Variants in ZNF286A observed in about 807,000 individuals in gnomAD.
The protein encoded by ZNF286A is zinc finger protein 286A, also known as zinc finger protein ZNF286.
Under a neutral mutation model 49.3 loss-of-function variants are expected in ZNF286A, and 34 were observed. The observed-to-expected ratio is 0.69, with a 90% CI of 0.52 to 0.92. The LOEUF is 0.92. Ranked by LOEUF, ZNF286A falls within the 40% of genes least tolerant of loss-of-function variation. ZNF286A has a pLI of 0.00. For missense variants in ZNF286A, 462 were observed against 600.2 expected (o/e 0.77, Z 2.41); for synonymous variants, 155 against 200.4 (o/e 0.77, Z 1.91).
chr17:15,716,331 G>A lies in ZNF286A; in HGVS notation c.607G>A (p.Val203Ile). The A allele has an allele frequency of 6.2e-7, 1 of 1,613,876 alleles. No individual in the cohort carries two copies. Among genetic ancestry groups the A allele is most frequent in the Non-Finnish European group, 8.5e-7 (1 of 1,179,834 alleles). ...VYWKSFNQKS[V>I]LITEDRVPKG... is the part of the protein sequence containing the mutation. ...CTGGAAAAGCTTCAATCAGAAATCT[G>A]TCCTTATCACTGAAGACAGAGTTCC... Residue 203 changes from valine (V) to isoleucine (I), a missense_variant, in exon 6 of 6, where the codon GTC becomes ATC. By Grantham distance (29) the Val-to-Ile change is conservative. Around this residue, in one of 3 missense-constraint regions of ZNF286A, gnomAD observed 259 missense variants for 272.2 expected, o/e 0.95. Transcript: ENST00000583566.
In ZNF286A at chr17:15,716,631, T is replaced by G; in HGVS notation, c.907T>G (p.Cys303Gly). The G allele has an allele frequency of 6.2e-7, 1 of 1,614,126 alleles. No homozygotes were observed. Among genetic ancestry groups the G allele is most frequent in the Non-Finnish European group, 8.5e-7 (1 of 1,180,004 alleles). ...TAGAATTCTCTTTGAATGCAGTGAA[T>G]GCAAGAAAACCTTCACAGAAAGCTC... is the stretch of plus-strand genomic sequence containing the variant. ...HTRILFECSE[C>G]KKTFTESSSL... Residue 303 changes from cysteine (C) to glycine (G), a missense_variant, in exon 6 of 6, where the codon TGC (cysteine) becomes GGC (glycine). Cys to Gly is a radical substitution (Grantham distance 159). This residue lies in a region of ZNF286A where 201 missense variants were observed against 311.3 expected (regional missense o/e 0.65). Transcript: ENST00000583566.
intron 5 of ZNF286A, among the ~76,000 whole-genome samples, chr17:15,711,782 C>G (rs1567709593): frequency 6.7e-6 from 1 of 148,564 alleles, no homozygotes; most frequent in Non-Finnish European, 1.5e-5. Flanking sequence ...AATCCCTGCT[C>G]TAAATGGTGG....
rs1281114285 is a variant in ZNF286A at position 15,718,161 on chromosome 17, T to C, written c.*871T>C. On this transcript the variant is annotated 3_prime_UTR_variant, in exon 6 of 6. Coordinates refer to ENST00000583566, the MANE Select transcript of ZNF286A (RefSeq NM_001130842.2). ...CATGTTAGCCAGGATGGTCTTGATCTCCTGACCTCGTGATCTGCCTGCCTC... is the reference window on the plus strand; with the variant it reads ...CATGTTAGCCAGGATGGTCTTGATCCCCTGACCTCGTGATCTGCCTGCCTC... The C allele has an allele frequency of 6.6e-6, 1 of 151,456 alleles. No homozygotes were observed. The highest frequency in any genetic ancestry group is 2.0e-4 in the East Asian group (1 of 5,116). The allele number at this position is 151,456 out of a possible 1,614,324, so 9.4% of individuals were successfully genotyped here.
chr17:15,703,299 A>G (rs1989931197), intron 3 of ZNF286A, among the ~76,000 whole-genome samples: 1 of 151,832 alleles, frequency 6.6e-6, no homozygotes, highest in Non-Finnish European at 1.5e-5. Context: ...ATCAGATTCA[A>G]CACTGTTAAC....
intron 5 of ZNF286A, among the ~76,000 whole-genome samples, chr17:15,709,067 T>C (rs1178587631): frequency 6.6e-6 from 1 of 152,162 alleles, no homozygotes; most frequent in Non-Finnish European, 1.5e-5. Context: ...CAGCAGAGTA[T>C]GTGCGTTCTA....
At position 15,718,351 on chromosome 17, in the gene ZNF286A, G is replaced by C. The variant is rs936020402; in HGVS notation, c.*1061G>C. 6.7e-6 allele frequency: 1 copy of C among 148,366 alleles called. No individual in the cohort carries two copies. The highest frequency in any genetic ancestry group is 1.5e-5 in the Non-Finnish European group (1 of 67,276). 9.2% of individuals were successfully genotyped at this position (148,366 alleles called of 1,614,324 possible). Reference sequence around the variant, plus strand: ...GGTCAAAATCTTAACAGTGGTTGTTGATCAAGTCCTTCCTTTCTTATCCTT... The same window carrying C: ...GGTCAAAATCTTAACAGTGGTTGTTCATCAAGTCCTTCCTTTCTTATCCTT... On this transcript the variant is annotated 3_prime_UTR_variant, in exon 6 of 6. Transcript: ENST00000583566.
At chr17:15,713,018 A>G (rs1159871164) in intron 5 of ZNF286A, among the ~76,000 whole-genome samples, 17 of 152,212 alleles carry the variant, frequency 1.1e-4, no homozygotes, top group Non-Finnish European at 2.2e-4. Context: ...AAGATGTTTG[A>G]TTTATGTAGG....
At chr17:15,707,320 G>GTC (rs1162891012) in intron 4 of ZNF286A, among the ~76,000 whole-genome samples, 3 of 151,744 alleles carry the variant, frequency 2.0e-5, no homozygotes, top group Admixed American at 2.0e-4. Flanking sequence ...GGCGCCTGTA[G>GTC]TCCCAGCTAC....
intron 3 of ZNF286A, chr17:15,704,452 A>G (rs983122570): frequency 1.2e-6 from 2 of 1,611,596 alleles, no homozygotes; most frequent in African/African-American, 1.3e-5. Flanking sequence ...CTCTGTGAGC[A>G]GACGGGCCCG....
chr17:15,706,576 A>G, intron 4 of ZNF286A, 75 bp downstream of exon 4: 2 of 1,144,302 alleles, frequency 1.7e-6, no homozygotes, highest in South Asian at 3.3e-5. Flanking sequence ...TAGCTTAACA[A>G]AGCCTTCACC....
intron 1 of ZNF286A, 174 bp from the exon 2 acceptor site, chr17:15,699,961 G>T: frequency 1.6e-6 from 1 of 620,198 alleles, no homozygotes; most frequent in Admixed American, 2.6e-5. Context: ...TGTGCCACGG[G>T]CGGGGTGGTC....
At chr17:15,706,832 T>C (rs752062835) in intron 4 of ZNF286A, among the ~76,000 whole-genome samples, 1 of 152,240 alleles carries the variant, frequency 6.6e-6, no homozygotes, top group South Asian at 2.1e-4. Context: ...GGTTTTGCTC[T>C]GTATTAGCTT....
In ZNF286A at chr17:15,718,043, C is replaced by G. The variant is rs1029616167; in HGVS notation, c.*753C>G. The G allele has an allele frequency of 1.3e-5, 2 of 148,582 alleles. No homozygotes were observed. Among genetic ancestry groups the G allele is most frequent in the African/African-American group, 5.0e-5 (2 of 40,036 alleles). 9.2% of individuals were successfully genotyped at this position (148,582 alleles called of 1,614,324 possible). A position where few individuals can be genotyped will look rare whatever the true frequency, so the allele number is the denominator to read the frequency against. ...CCACCTCCCAGGTTCATGCCATTCT[C>G]TTGTCTCAGCCTCCCAAGTAGCTGG... is the stretch of plus-strand genomic sequence containing the variant. On this transcript the variant is annotated 3_prime_UTR_variant, in exon 6 of 6. Coordinates refer to ENST00000583566, the MANE Select transcript of ZNF286A (RefSeq NM_001130842.2).
chr17:15,719,191 C>CT lies in ZNF286A; in HGVS notation c.*1905dup, dbSNP rs2151489076. 1 of 135,616 alleles carries CT rather than the reference C, an allele frequency of 7.4e-6. No individual in the cohort carries two copies. Among genetic ancestry groups the CT allele is most frequent in the South Asian group, 2.5e-4 (1 of 4,010 alleles). The allele number at this position is 135,616 out of a possible 1,614,324, so 8.4% of individuals were successfully genotyped here. On this transcript the variant is annotated 3_prime_UTR_variant, in exon 6 of 6. Transcript: ENST00000583566. ...AAAACACAGGAAAAGGAACTCACCT[C>CT]TTTTATCATCTTAGTATTTAGTACT... is the stretch of plus-strand genomic sequence containing the variant.
intron 5 of ZNF286A, 121 bp from the exon 6 acceptor site, chr17:15,715,938 G>C: frequency 2.0e-6 from 3 of 1,530,898 alleles, no homozygotes; most frequent in Non-Finnish European, 2.6e-6. Flanking sequence ...ATCTGAAAGA[G>C]TCAAATCCAC....
rs1990050152 is a variant in ZNF286A at position 15,704,497 on chromosome 17, C to T, written c.127-1890C>T. 2.6e-5 allele frequency: 42 copies of T among 1,613,806 alleles called. 1 individual carries two copies. In the South Asian group the frequency reaches 3.7e-4, roughly 14 times the overall value. On this transcript the variant is annotated intron_variant, in intron 3 of 5. Coordinates refer to ENST00000583566, the MANE Select transcript of ZNF286A (RefSeq NM_001130842.2). ...CTCCTCGGAGTTCTCCAAGAGCAGGCGGCCCGCCTCCTCGTTGAGTGCAGA... is the reference window on the plus strand; with the variant it reads ...CTCCTCGGAGTTCTCCAAGAGCAGGTGGCCCGCCTCCTCGTTGAGTGCAGA...
chr17:15,701,328 A>T (rs1057256479), intron 3 of ZNF286A, 88 bp downstream of exon 3: 42 of 1,169,008 alleles, frequency 3.6e-5, no homozygotes, highest in Non-Finnish European at 4.8e-5. Context: ...TTCTTTATCC[A>T]CTAAAGCCCA....
chr17:15,717,205 T>A lies in ZNF286A; in HGVS notation c.1481T>A (p.Phe494Tyr). 1.2e-6 allele frequency: 2 copies of A among 1,607,700 alleles called. No homozygotes were observed. The highest frequency in any genetic ancestry group is 1.7e-6 in the Non-Finnish European group (2 of 1,177,052). The change falls in exon 6 of 6, where the codon TTT (phenylalanine) becomes TAT (tyrosine). Residue 494 changes from phenylalanine (F) to tyrosine (Y), a missense_variant. By Grantham distance (22) the Phe-to-Tyr change is conservative. Transcript: ENST00000583566. ...AGAACTCATACCGGAGAGAAACCCT[T>A]TAGATGTAATGAGTGTGGGAAAAGC... ...HQRTHTGEKP[F>Y]RCNECGKSFK... is the part of the protein sequence containing the mutation.
intron 5 of ZNF286A, among the ~76,000 whole-genome samples, chr17:15,715,571 A>C (rs981071035): frequency 1.3e-5 from 2 of 152,142 alleles, no homozygotes; most frequent in Non-Finnish European, 2.9e-5. Context: ...GTTTTTGATC[A>C]GCAAAATGTT....
Sources: gnomAD v4.1 joint callset for allele counts (sites outside exome capture counted in the v4.1 genomes callset) on GRCh38, gnomAD v4.1.1 for gene constraint, gnomAD v4.1.1 regional missense constraint, MANE v1.5 for transcripts, NCBI Gene and HGNC (gene_info 2026-07-23, HGNC 2026-07-21) for gene names.